Variants in PRKD1 observed in about 807,000 individuals in gnomAD.
PRKD1 encodes the protein protein kinase D1, also known as serine/threonine-protein kinase D1.
PRKD1 carries 63 observed loss-of-function variants against 95.9 expected under a neutral mutation model. The ratio of observed to expected loss-of-function variants is 0.66; its 90% confidence interval spans 0.54 to 0.81. The LOEUF is 0.81. Ranked by LOEUF, PRKD1 falls within the 30% of genes least tolerant of loss-of-function variation. The pLI is 0.00. For synonymous variants in PRKD1, 425 were observed against 423.1 expected (o/e 1.00, Z -0.05); for missense variants, 1,048 against 1,165.3 (o/e 0.90, Z 1.47).
At chr14:29,602,354 C>A (rs1035820113) in intron 13 of PRKD1, among the ~76,000 whole-genome samples, 1 of 151,700 alleles carries the variant, frequency 6.6e-6, no homozygotes, top group Non-Finnish European at 1.5e-5. Flanking sequence ...GGGAGAGACG[C>A]AATGACTGGG....
chr14:29,796,504 A>G (rs1234708563), intron 1 of PRKD1, among the ~76,000 whole-genome samples: 1 of 152,200 alleles, frequency 6.6e-6, no homozygotes, highest in Non-Finnish European at 1.5e-5. Flanking sequence ...GGTAGTCATC[A>G]GTCTATAAAT....
chr14:29,754,173 T>C (rs1349166543), intron 1 of PRKD1, among the ~76,000 whole-genome samples: 2 of 152,182 alleles, frequency 1.3e-5, no homozygotes, highest in Non-Finnish European at 2.9e-5. Context: ...TTTATCTAAC[T>C]ACAAAATAAT....
intron 16 of PRKD1, among the ~76,000 whole-genome samples, chr14:29,584,758 C>T (rs1325578992): frequency 1.3e-5 from 2 of 152,076 alleles, no homozygotes; most frequent in Non-Finnish European, 2.9e-5. Flanking sequence ...CATCACAACT[C>T]TACAAAATAT....
intron 1 of PRKD1, among the ~76,000 whole-genome samples, chr14:29,891,441 G>A (rs930431570): frequency 6.6e-6 from 1 of 152,108 alleles, no homozygotes; most frequent in Non-Finnish European, 1.5e-5. Flanking sequence ...ATGCATGCAC[G>A]CATGCACTAT....
intron 1 of PRKD1, among the ~76,000 whole-genome samples, chr14:29,739,867 A>G (rs1886905493): frequency 1.3e-5 from 2 of 152,340 alleles, no homozygotes; most frequent in South Asian, 4.1e-4. Context: ...GTCATCTATT[A>G]AGATAAAAGC....
chr14:29,667,563 G>A (rs1012510666), intron 2 of PRKD1, among the ~76,000 whole-genome samples: 1 of 152,054 alleles, frequency 6.6e-6, no homozygotes, highest in African/African-American at 2.4e-5. Context: ...CTACTTTGGT[G>A]GTTTGGTCAA....
chr14:29,617,522 C>T (rs534963687), intron 13 of PRKD1, among the ~76,000 whole-genome samples: 1 of 152,130 alleles, frequency 6.6e-6, no homozygotes, highest in South Asian at 2.1e-4. Context: ...TTCCAAAATG[C>T]TTTCATTTAT....
At chr14:29,729,454 A>G (rs1306355962) in intron 1 of PRKD1, among the ~76,000 whole-genome samples, 1 of 152,088 alleles carries the variant, frequency 6.6e-6, no homozygotes, top group African/African-American at 2.4e-5. Context: ...TTCTTGGCAT[A>G]AAGTTATTCA....
intron 2 of PRKD1, among the ~76,000 whole-genome samples, chr14:29,707,339 T>G (rs1885140646): frequency 6.6e-6 from 1 of 152,138 alleles, no homozygotes. Flanking sequence ...ATATGGTACT[T>G]GAACTAGCAG....
chr14:29,898,732 C>G lies in PRKD1; in HGVS notation c.264+28517G>C, dbSNP rs184520266. On this transcript the variant is annotated intron_variant, in intron 1 of 17. Coordinates refer to ENST00000331968, the MANE Select transcript of PRKD1 (RefSeq NM_002742.3). Reference sequence around the variant, plus strand: ...CTGGTTGCGAATTTGACTAAATTGACTTCAATCCTGTCCAAATGATTACAT... The same window carrying G: ...CTGGTTGCGAATTTGACTAAATTGAGTTCAATCCTGTCCAAATGATTACAT... Among the ~76,000 whole-genome samples the G allele has an allele frequency of 5.8e-4, 88 of 152,330 alleles. 1 individual carries two copies. The highest frequency in any genetic ancestry group is 2.1e-3 in the African/African-American group (86 of 41,590).
At chr14:29,684,591 T>G (rs1363191690) in intron 2 of PRKD1, among the ~76,000 whole-genome samples, 1 of 152,192 alleles carries the variant, frequency 6.6e-6, no homozygotes, top group Non-Finnish European at 1.5e-5. Flanking sequence ...TGTCTTCAGA[T>G]TCTAAATGAA....
intron 1 of PRKD1, among the ~76,000 whole-genome samples, chr14:29,757,559 G>A (rs1419511537): frequency 6.6e-6 from 1 of 151,920 alleles, no homozygotes; most frequent in Admixed American, 6.6e-5. Flanking sequence ...GAGGTGGCTG[G>A]GAATAGTTCT....
At chr14:29,775,959 C>T (rs1383991142) in intron 1 of PRKD1, among the ~76,000 whole-genome samples, 1 of 152,142 alleles carries the variant, frequency 6.6e-6, no homozygotes, top group African/African-American at 2.4e-5. Context: ...TCCAGAGGAA[C>T]AATCAGGCAG....
intron 1 of PRKD1, among the ~76,000 whole-genome samples, chr14:29,778,156 T>A (rs1888861182): frequency 6.6e-6 from 1 of 152,046 alleles, no homozygotes; most frequent in African/African-American, 2.4e-5. Context: ...TACAAATTTA[T>A]AGCACTAAAT....
At chr14:29,925,210 C>A (rs1054239102) in intron 1 of PRKD1, among the ~76,000 whole-genome samples, 2 of 151,694 alleles carry the variant, frequency 1.3e-5, no homozygotes, top group African/African-American at 4.9e-5. Flanking sequence ...GATGATTTTC[C>A]CTTTCCAGTA....
intron 1 of PRKD1, among the ~76,000 whole-genome samples, chr14:29,845,409 G>C (rs1892041482): frequency 6.6e-6 from 1 of 152,080 alleles, no homozygotes; most frequent in Non-Finnish European, 1.5e-5. Flanking sequence ...ACTATTCACA[G>C]AATTATTAGG....
rs1895338691 is a variant in PRKD1 at position 29,927,289 on chromosome 14, G to C, written c.224C>G (p.Ala75Gly). The change falls in exon 1 of 18, where the codon GCG becomes GGG. Residue 75 changes from alanine (A) to glycine (G), a missense_variant. By Grantham distance (60) the Ala-to-Gly change is moderately conservative (BLOSUM62 0). Coordinates refer to ENST00000331968, the MANE Select transcript of PRKD1 (RefSeq NM_002742.3). ...LQDSSGDYSL[A>G]HVREMACSIV... ...GGAGCAAGCCATCTCGCGGACGTGC[G>C]CCAGGCTGTAGTCCCCGGACGAGTC... 1 of 1,539,042 alleles carries C rather than the reference G, an allele frequency of 6.5e-7. No homozygotes were observed. The highest frequency in any genetic ancestry group is 8.7e-7 in the Non-Finnish European group (1 of 1,144,400).
intron 2 of PRKD1, among the ~76,000 whole-genome samples, chr14:29,705,563 C>T (rs1022998109): frequency 3.2e-4 from 48 of 151,990 alleles, no homozygotes; most frequent in African/African-American, 1.0e-3. Context: ...CCTGAACCAT[C>T]GCTGCTATCT....
At chr14:29,705,719 G>T (rs980672462) in intron 2 of PRKD1, among the ~76,000 whole-genome samples, 4 of 151,724 alleles carry the variant, frequency 2.6e-5, no homozygotes, top group African/African-American at 9.7e-5. Context: ...TCATATAAAT[G>T]CCATATAACA....
Sources: allele counts gnomAD v4.1 joint callset (sites outside exome capture counted in the v4.1 genomes callset), GRCh38; gene constraint gnomAD v4.1.1; transcripts MANE v1.5; gene names NCBI Gene and HGNC (gene_info 2026-07-23, HGNC 2026-07-21).